NUDT4: variants seen among roughly 807,000 people sequenced by gnomAD.
The protein encoded by NUDT4 is nudix hydrolase 4, also known as diphosphoinositol polyphosphate phosphohydrolase 2.
NUDT4 carries 5 observed loss-of-function variants against 23.1 expected under a neutral mutation model. The observed-to-expected ratio is 0.22, with a 90% CI of 0.11 to 0.46. The LOEUF is 0.46. Among genes scored for constraint, NUDT4 ranks in the 20% least tolerant of loss-of-function variants. The pLI, the probability that NUDT4 is intolerant of heterozygous loss-of-function variation, is 0.99. For synonymous variants in NUDT4, 50 were observed against 79.0 expected, an observed-to-expected ratio of 0.63 and a Z score of 1.95; for missense variants, 96 against 211.6, an observed-to-expected ratio of 0.45 and a Z score of 3.39.
At chr12:93,392,245 C>CCG (rs998922596) in intron 1 of NUDT4, among the ~76,000 whole-genome samples, 1 of 83,874 alleles carries the variant, frequency 1.2e-5, no homozygotes, top group Admixed American at 1.1e-4. Flanking sequence ...CCTTTGTTTC[C>CCG]CCCCCCCCCT....
At chr12:93,389,340 C>T (rs1592720060) in intron 1 of NUDT4, among the ~76,000 whole-genome samples, 2 of 151,968 alleles carry the variant, frequency 1.3e-5, no homozygotes, top group Admixed American at 6.6e-5. Context: ...GGCGTGGTGG[C>T]GCATGTCTGT....
At position 93,403,447 on chromosome 12, in the gene NUDT4, G is replaced by A. The variant is rs1349876913; in HGVS notation, c.*4068G>A. 6.6e-6 allele frequency: 1 copy of A among 152,018 alleles called. No individual in the cohort carries two copies. Among genetic ancestry groups the A allele is most frequent in the African/African-American group, 2.4e-5 (1 of 41,328 alleles). 9.4% of individuals were successfully genotyped at this position (152,018 alleles called of 1,614,324 possible). A position where few individuals can be genotyped will look rare whatever the true frequency, so the allele number is the denominator to read the frequency against. On this transcript the variant is annotated 3_prime_UTR_variant, in exon 5 of 5. Coordinates refer to ENST00000415493, the MANE Select transcript of NUDT4 (RefSeq NM_019094.6). The stretch of plus-strand genomic sequence containing the variant: ...GATTCTCCTGCCTCATCCTCCCGAG[G>A]AGCTGGGATCACAGGCGCCTGCCAC...
At chr12:93,391,690 T>C (rs1876517651) in intron 1 of NUDT4, among the ~76,000 whole-genome samples, 1 of 152,026 alleles carries the variant, frequency 6.6e-6, no homozygotes, top group South Asian at 2.1e-4. Flanking sequence ...TCAGCAGAGA[T>C]TGTGTCACTG....
Position 93,406,641 on chromosome 12 carries a change from A to T in NUDT4, c.*7262A>T, listed in dbSNP as rs1167746613. The T allele has an allele frequency of 1.3e-5, 2 of 152,208 alleles. No individual in the cohort carries two copies. Among genetic ancestry groups the T allele is most frequent in the South Asian group, 4.1e-4 (2 of 4,830 alleles). 9.4% of individuals were successfully genotyped at this position (152,208 alleles called of 1,614,324 possible). A position where few individuals can be genotyped will look rare whatever the true frequency, so the allele number is the denominator to read the frequency against. ...CATTGTGTCTGTAGTCAACATGTAT[A>T]TTTTTGTCATTATTCCTTAAACAAT... On this transcript the variant is annotated 3_prime_UTR_variant, in exon 5 of 5. Transcript: ENST00000415493.
chr12:93,398,534 G>A (rs1004013261), intron 3 of NUDT4, among the ~76,000 whole-genome samples: 4 of 152,016 alleles, frequency 2.6e-5, no homozygotes, highest in South Asian at 2.1e-4. Flanking sequence ...AGTATTGAGA[G>A]CCAATTTCAC....
chr12:93,378,494 C>G (rs1474060095), intron 1 of NUDT4, 73 bp downstream of exon 1: 2 of 1,400,644 alleles, frequency 1.4e-6, no homozygotes, highest in African/African-American at 3.0e-5. Context: ...CCCTCGCTCC[C>G]CGCCCCTGCG....
intron 3 of NUDT4, among the ~76,000 whole-genome samples, chr12:93,396,856 G>A (rs984872423): frequency 3.3e-5 from 5 of 152,160 alleles, no homozygotes; most frequent in East Asian, 1.9e-4. Context: ...GTTGCAGAGC[G>A]GCACTCCATC....
At chr12:93,394,473 G>A (rs1404466630) in intron 1 of NUDT4, 136 bp from the exon 2 acceptor site, 15 of 497,548 alleles carry the variant, frequency 3.0e-5, no homozygotes, top group East Asian at 2.1e-4. Flanking sequence ...GGTGTAATGC[G>A]TACCCCCTAA....
intron 1 of NUDT4, among the ~76,000 whole-genome samples, chr12:93,391,155 T>C (rs1226395463): frequency 6.6e-6 from 1 of 151,790 alleles, no homozygotes; most frequent in Non-Finnish European, 1.5e-5. Context: ...GAAAAAAAAA[T>C]CAGTCATGGC....
Position 93,404,161 on chromosome 12 carries a change from T to C in NUDT4, c.*4782T>C, listed in dbSNP as rs1877663765. On this transcript the variant is annotated 3_prime_UTR_variant, in exon 5 of 5. Transcript: ENST00000415493. ...AGTACTTTCATTTGGCCATCATTAT[T>C]TATCAACCTTAAGAAACATGCCTAT... The C allele has an allele frequency of 6.6e-6, 1 of 152,208 alleles. No homozygotes were observed. Among genetic ancestry groups the C allele is most frequent in the African/African-American group, 2.4e-5 (1 of 41,436 alleles). The allele number at this position is 152,208 out of a possible 1,614,324, so 9.4% of individuals were successfully genotyped here.
chr12:93,385,941 T>TTTTATATATATATA (rs1278115598), intron 1 of NUDT4, among the ~76,000 whole-genome samples: 1 of 104,600 alleles, frequency 9.6e-6, no homozygotes, highest in African/African-American at 3.6e-5. Context: ...GTAAATCTTT[T>TTTTATATATATATA]TATATATATA....
chr12:93,390,752 C>T (rs531328468), intron 1 of NUDT4, among the ~76,000 whole-genome samples: 4 of 152,146 alleles, frequency 2.6e-5, no homozygotes, highest in Admixed American at 1.3e-4. Flanking sequence ...ATTATGGGCA[C>T]ATGTCACCAT....
chr12:93,386,036 C>G (rs1181073978), intron 1 of NUDT4, among the ~76,000 whole-genome samples: 2 of 149,328 alleles, frequency 1.3e-5, no homozygotes, highest in East Asian at 2.0e-4. Flanking sequence ...AGTGCAGTGG[C>G]ACAATCATGG....
intron 1 of NUDT4, among the ~76,000 whole-genome samples, 196 bp from the exon 2 acceptor site, chr12:93,394,413 C>T (rs576781977): frequency 1.3e-5 from 2 of 152,284 alleles, no homozygotes; most frequent in South Asian, 4.2e-4. Flanking sequence ...AATGTTAATT[C>T]TGATTTCAGA....
intron 3 of NUDT4, among the ~76,000 whole-genome samples, chr12:93,396,382 T>G (rs1382884476): frequency 6.6e-6 from 1 of 152,220 alleles, no homozygotes; most frequent in East Asian, 1.9e-4. Context: ...ATAGGCAGTC[T>G]CTGGAAGCCA....
Position 93,407,192 on chromosome 12 carries a change from TC to T in NUDT4, c.*7814del. ...AAGCCACTTAATGTTCAGATTCTTTTCTTCTCTCCCAGGACTTTGCAGATGC... is the reference window on the plus strand; with the variant it reads ...AAGCCACTTAATGTTCAGATTCTTTTTTCTCTCCCAGGACTTTGCAGATGC... On this transcript the variant is annotated 3_prime_UTR_variant, in exon 5 of 5. Coordinates refer to ENST00000415493, the MANE Select transcript of NUDT4 (RefSeq NM_019094.6). The T allele has an allele frequency of 6.6e-6, 1 of 152,512 alleles. No individual in the cohort carries two copies. The highest frequency in any genetic ancestry group is 2.1e-4 in the South Asian group (1 of 4,826). 9.4% of individuals were successfully genotyped at this position (152,512 alleles called of 1,614,324 possible).
At position 93,407,351 on chromosome 12, in the gene NUDT4, G is replaced by A. The variant is rs1877877436; in HGVS notation, c.*7972G>A. The stretch of plus-strand genomic sequence containing the variant: ...CCCATTAGAGTATATGGTCCCCAAA[G>A]GAAAGCCCCATGCCATTCACTCACC... On this transcript the variant is annotated 3_prime_UTR_variant, in exon 5 of 5. Transcript: ENST00000415493. 6.6e-6 allele frequency: 1 copy of A among 152,196 alleles called. No homozygotes were observed. Among genetic ancestry groups the A allele is most frequent in the Admixed American group, 6.5e-5 (1 of 15,290 alleles). 9.4% of individuals were successfully genotyped at this position (152,196 alleles called of 1,614,324 possible). A position where few individuals can be genotyped will look rare whatever the true frequency, so the allele number is the denominator to read the frequency against.
At chr12:93,397,652 A>G (rs1340366606) in intron 3 of NUDT4, among the ~76,000 whole-genome samples, 2 of 152,098 alleles carry the variant, frequency 1.3e-5, no homozygotes, top group Non-Finnish European at 2.9e-5. Context: ...CAGCCTCCCA[A>G]GTAGCTGAAT....
At chr12:93,383,821 G>A (rs551010520) in intron 1 of NUDT4, among the ~76,000 whole-genome samples, 6 of 152,338 alleles carry the variant, frequency 3.9e-5, no homozygotes, top group Admixed American at 2.6e-4. Flanking sequence ...GACAGAGCGA[G>A]ACAGCGTCTC....
Sources: allele counts gnomAD v4.1 joint callset (sites outside exome capture counted in the v4.1 genomes callset), GRCh38; gene constraint gnomAD v4.1.1; transcripts MANE v1.5; gene names NCBI Gene and HGNC (gene_info 2026-07-23, HGNC 2026-07-21).